Variants in AKR1E2 observed in about 807,000 individuals in gnomAD.
AKR1E2 encodes the protein aldo-keto reductase family 1 member E2.
In AKR1E2, 43 loss-of-function variants were observed where a neutral mutation model predicts 41.9. The observed-to-expected ratio is 1.03, with a 90% CI of 0.80 to 1.32. The LOEUF is 1.32. Ranked by LOEUF, AKR1E2 falls within the 40% of genes most tolerant of loss-of-function variation. The pLI, the probability that AKR1E2 is intolerant of heterozygous loss-of-function variation, is 0.00. For missense variants in AKR1E2, 423 were observed against 396.5 expected, an observed-to-expected ratio of 1.07 and a Z score of -0.57; for synonymous variants, 121 against 138.9, an observed-to-expected ratio of 0.87 and a Z score of 0.91.
chr10:4,845,312 C>A (rs1588484787), intron 8 of AKR1E2, among the ~76,000 whole-genome samples: 1 of 152,328 alleles, frequency 6.6e-6, no homozygotes, highest in East Asian at 1.9e-4. Flanking sequence ...CACACCTCCC[C>A]GCAAGCTGAG....
chr10:4,844,064 T>C (rs190470425), intron 8 of AKR1E2, among the ~76,000 whole-genome samples: 482 of 152,352 alleles, frequency 3.2e-3, no homozygotes, highest in Middle Eastern at 6.8e-3. Flanking sequence ...GGTGGGTTCT[T>C]GGTCTCACTG....
At chr10:4,865,852 T>TA in the AKR1E2 span, among the ~76,000 whole-genome samples, 2 of 152,328 alleles carry the variant, frequency 1.3e-5, no homozygotes, top group South Asian at 4.1e-4. Context: ...ATGCTCAAGT[T>TA]AGAGAGTTAT....
chr10:4,829,179 G>A (rs998089839), intron 1 of AKR1E2, among the ~76,000 whole-genome samples: 7 of 151,962 alleles, frequency 4.6e-5, no homozygotes, highest in African/African-American at 1.2e-4. Flanking sequence ...TCTTTTCCCC[G>A]ACTTACTGGG....
At chr10:4,837,437 C>G in intron 4 of AKR1E2, 22 bp from the exon 5 acceptor site, 1 of 1,613,128 alleles carries the variant, frequency 6.2e-7, no homozygotes, top group Non-Finnish European at 8.5e-7. Context: ...GCTTCACACC[C>G]AGCAGAGTCG....
intron 4 of AKR1E2, 44 bp from the exon 5 acceptor site, chr10:4,837,415 C>T: frequency 6.2e-7 from 1 of 1,605,556 alleles, no homozygotes; most frequent in Non-Finnish European, 8.5e-7. Context: ...ATTGTCAGTG[C>T]AGTAGACAGA....
At chr10:4,872,458 A>G in the AKR1E2 span, among the ~76,000 whole-genome samples, 3 of 152,182 alleles carry the variant, frequency 2.0e-5, no homozygotes, top group Admixed American at 6.5e-5. Context: ...AGTCACTTCA[A>G]TGGGGTAGTT....
At chr10:4,826,414 CTTGGGG>C in intron 1 of AKR1E2, 51 bp downstream of exon 1, 4 of 1,227,740 alleles carry the variant, frequency 3.3e-6, no homozygotes, top group Non-Finnish European at 4.1e-6. Flanking sequence ...GAGCGCGGGA[CTTGGGG>C]GCGCCCGATG....
intron 1 of AKR1E2, among the ~76,000 whole-genome samples, chr10:4,828,446 A>G (rs2131488641): frequency 6.6e-6 from 1 of 152,278 alleles, no homozygotes; most frequent in African/African-American, 2.4e-5. Flanking sequence ...GCCCATACCT[A>G]GTAGGGCAGG....
chr10:4,841,277 G>A (rs573261317), intron 6 of AKR1E2, among the ~76,000 whole-genome samples: 260 of 152,302 alleles, frequency 1.7e-3, no homozygotes, highest in African/African-American at 5.9e-3. Flanking sequence ...GGGCCCACCC[G>A]TGCCTGAGCA....
rs1833360579 is a variant in AKR1E2 at position 4,835,740 on chromosome 10, G to A, written c.390G>A (p.Val130=). The change falls in exon 4 of 10, where the codon GTG becomes GTA. Residue 130 remains valine (V), a synonymous_variant. Transcript: ENST00000298375. The part of the protein sequence containing the change: ...ELSFCLSHPR[V]QDLPLDESNM... ...CCTTCTGCCTCTCACATCCTCGAGT[G>A]CAGGACTTGCCTCTGGACGAGAGCA... 6.2e-7 allele frequency: 1 copy of A among 1,614,148 alleles called. No individual in the cohort carries two copies. The highest frequency in any genetic ancestry group is 8.5e-7 in the Non-Finnish European group (1 of 1,180,030).
At chr10:4,872,939 A>G in the AKR1E2 span, among the ~76,000 whole-genome samples, 1 of 152,188 alleles carries the variant, frequency 6.6e-6, no homozygotes, top group Admixed American at 6.5e-5. Flanking sequence ...AGGAGTGAGC[A>G]ATCCTGCTCT....
upstream of AKR1E2, chr10:4,826,121 C>T (rs2131472243): frequency 2.4e-6 from 1 of 410,168 alleles, no homozygotes. Context: ...TTAATACAAC[C>T]AGCCAGTCAG....
At chr10:4,833,216 C>A in intron 2 of AKR1E2, 134 bp from the exon 3 acceptor site, 1 of 720,868 alleles carries the variant, frequency 1.4e-6, no homozygotes, top group East Asian at 2.5e-5. Context: ...CCCATCAGAA[C>A]TTGCCGTGTT....
the AKR1E2 span, among the ~76,000 whole-genome samples, chr10:4,864,450 G>A: frequency 6.6e-6 from 1 of 152,074 alleles, no homozygotes; most frequent in African/African-American, 2.4e-5. Flanking sequence ...AGGTATTGAT[G>A]GGACATATCT....
chr10:4,839,635 G>T, intron 5 of AKR1E2, 94 bp from the exon 6 acceptor site: 1 of 1,178,734 alleles, frequency 8.5e-7, no homozygotes, highest in Admixed American at 1.8e-5. Flanking sequence ...TGGCTACTCG[G>T]TGACAGCCAA....
At chr10:4,826,111 T>A (rs11252766), upstream of AKR1E2, 34,199 of 404,366 alleles carry the variant, frequency 0.085, 1,635 homozygotes, top group African/African-American at 0.099. Context: ...GTGCCCGTCC[T>A]TAATACAACC....
chr10:4,845,306 C>T (rs916971752), intron 8 of AKR1E2, among the ~76,000 whole-genome samples: 1 of 152,228 alleles, frequency 6.6e-6, no homozygotes, highest in African/African-American at 2.4e-5. Flanking sequence ...TCCCTCCACA[C>T]CTCCCCGCAA....
chr10:4,834,271 C>G (rs1411157689), intron 3 of AKR1E2, among the ~76,000 whole-genome samples: 1 of 152,238 alleles, frequency 6.6e-6, no homozygotes, highest in African/African-American at 2.4e-5. Flanking sequence ...GTGTGCCACA[C>G]TGTTGGTTAC....
At chr10:4,828,324 G>A (rs1057248147) in intron 1 of AKR1E2, among the ~76,000 whole-genome samples, 1 of 152,178 alleles carries the variant, frequency 6.6e-6, no homozygotes, top group Non-Finnish European at 1.5e-5. Flanking sequence ...AGAGCAAGGG[G>A]AGCGGTGAGA....
Sources: allele counts gnomAD v4.1 joint callset (sites outside exome capture counted in the v4.1 genomes callset), GRCh38; gene constraint gnomAD v4.1.1; transcripts MANE v1.5; gene names NCBI Gene and HGNC (gene_info 2026-07-23, HGNC 2026-07-21).